The following TGFBRAP1 variants were observed in gnomAD, a reference collection of about 807,000 sequenced individuals.
TGFBRAP1 encodes the protein transforming growth factor beta receptor associated protein 1.
TGFBRAP1 carries 20 observed loss-of-function variants against 83.2 expected under a neutral mutation model. The ratio of observed to expected loss-of-function variants is 0.24; its 90% CI spans 0.17 to 0.35. The LOEUF is 0.35. Ranked by LOEUF, TGFBRAP1 falls within the 10% of genes least tolerant of loss-of-function variation. The pLI is 1.00. For synonymous variants in TGFBRAP1, 415 were observed against 459.8 expected, an observed-to-expected ratio of 0.90 and a Z score of 1.25; for missense variants, 950 against 1,099.4, an observed-to-expected ratio of 0.86 and a Z score of 1.92.
intron 1 of TGFBRAP1, among the ~76,000 whole-genome samples, chr2:105,309,435 C>T (rs1243893050): frequency 6.6e-6 from 1 of 152,208 alleles, no homozygotes; most frequent in Non-Finnish European, 1.5e-5. Context: ...TTCATGAGAG[C>T]TTAAGTTCCT....
the TGFBRAP1 span, among the ~76,000 whole-genome samples, chr2:105,250,269 C>A: frequency 6.6e-6 from 1 of 152,128 alleles, no homozygotes; most frequent in African/African-American, 2.4e-5. Flanking sequence ...CAAGTTCAGC[C>A]TCCTGGGTGT....
intron 1 of TGFBRAP1, among the ~76,000 whole-genome samples, chr2:105,323,043 G>A (rs1438426752): frequency 2.0e-5 from 3 of 152,180 alleles, no homozygotes; most frequent in Non-Finnish European, 4.4e-5. Context: ...GCAAACCATG[G>A]TGGTGAGGAG....
chr2:105,295,031 C>A (rs112856388), intron 4 of TGFBRAP1, among the ~76,000 whole-genome samples: 66 of 152,310 alleles, frequency 4.3e-4, no homozygotes, highest in Admixed American at 1.2e-3. Flanking sequence ...GCACCCTCCC[C>A]TCCAGGGCAC....
chr2:105,272,848 T>C lies in TGFBRAP1; in HGVS notation c.1972+7A>G, dbSNP rs1677204109. On this transcript the variant is annotated splice_region_variant and intron_variant, in intron 10 of 11. Coordinates refer to ENST00000393359, the MANE Select transcript of TGFBRAP1 (RefSeq NM_004257.6). The stretch of plus-strand genomic sequence containing the variant: ...CCAAAGGGAGACAATACTGAGATCA[T>C]CCTCACCGAGAAGAAAGTGGACTCG... The C allele has an allele frequency of 1.2e-6, 2 of 1,606,302 alleles. No homozygotes were observed. Among genetic ancestry groups the C allele is most frequent in the African/African-American group, 1.3e-5 (1 of 74,776 alleles).
rs1013479139 is a variant in TGFBRAP1 at position 105,310,598 on chromosome 2, T to A, written c.-17-2280A>T. 3.2e-4 allele frequency among the ~76,000 whole-genome samples: 48 copies of A among 152,022 alleles called. 1 individual carries two copies. The highest frequency in any genetic ancestry group is 6.2e-4 in the South Asian group (3 of 4,802). On this transcript the variant is annotated intron_variant, in intron 1 of 11. Coordinates refer to ENST00000393359, the MANE Select transcript of TGFBRAP1 (RefSeq NM_004257.6). ...CATCTACCTCGGGGCTGTGGGAACATCCCCAGAATCCCAGGTGAGGCCGAG... is the reference window on the plus strand; with the variant it reads ...CATCTACCTCGGGGCTGTGGGAACAACCCCAGAATCCCAGGTGAGGCCGAG...
At chr2:105,307,336 C>G (rs1416223207) in intron 2 of TGFBRAP1, among the ~76,000 whole-genome samples, 1 of 152,190 alleles carries the variant, frequency 6.6e-6, no homozygotes, top group African/African-American at 2.4e-5. Flanking sequence ...TGACTAAGGG[C>G]TGAGAATATC....
chr2:105,263,562 C>CATT (rs1676837314), downstream of TGFBRAP1, among the ~76,000 whole-genome samples: 1 of 151,862 alleles, frequency 6.6e-6, no homozygotes, highest in African/African-American at 2.4e-5. Context: ...TCACCCCAAT[C>CATT]CACTGAAATG....
At chr2:105,322,040 C>T (rs1259152667) in intron 1 of TGFBRAP1, among the ~76,000 whole-genome samples, 2 of 152,162 alleles carry the variant, frequency 1.3e-5, no homozygotes, top group African/African-American at 4.8e-5. Context: ...AACAGCTCCA[C>T]ACATGTTACT....
chr2:105,308,418 TAAAG>T, intron 1 of TGFBRAP1, 100 bp from the exon 2 acceptor site: 1 of 1,200,546 alleles, frequency 8.3e-7, no homozygotes. Flanking sequence ...TCATTTTCAT[TAAAG>T]AAAGTCATTC....
At chr2:105,326,635 C>T (rs1023203186) in intron 1 of TGFBRAP1, among the ~76,000 whole-genome samples, 2 of 152,086 alleles carry the variant, frequency 1.3e-5, no homozygotes, top group African/African-American at 4.8e-5. Context: ...GGAAGGATCA[C>T]TTGAGCCTGG....
chr2:105,308,311 C>G lies in TGFBRAP1; in HGVS notation c.-10G>C. On this transcript the variant is annotated 5_prime_UTR_variant, in exon 2 of 12. Coordinates refer to ENST00000393359, the MANE Select transcript of TGFBRAP1 (RefSeq NM_004257.6). ...CTTTGATGCTCATCATGTCTACTGG[C>G]TGATCTGCTGGAAGAGAAAGAGGAA... The G allele has an allele frequency of 6.3e-7, 1 of 1,593,440 alleles. No homozygotes were observed. Among genetic ancestry groups the G allele is most frequent in the Non-Finnish European group, 8.6e-7 (1 of 1,164,962 alleles).
intron 2 of TGFBRAP1, among the ~76,000 whole-genome samples, chr2:105,303,826 G>A (rs569191832): frequency 4.6e-5 from 7 of 152,202 alleles, no homozygotes; most frequent in Admixed American, 3.9e-4. Flanking sequence ...AGGTCAGAGA[G>A]GCATGTTAAA....
chr2:105,316,462 T>TGTGTGTGTGCGC (rs1177329674), intron 1 of TGFBRAP1, among the ~76,000 whole-genome samples: 114 of 84,798 alleles, frequency 1.3e-3, no homozygotes, highest in Middle Eastern at 0.011. Flanking sequence ...TGTGTGTGTG[T>TGTGTGTGTGCGC]GCGCGCGCGC....
rs1373035316 is a variant in TGFBRAP1, at chr2:105,272,896, A to G, written c.1931T>C (p.Leu644Pro). ...TCGGTATAAATCAGATTTCTGGAGC[A>G]GCCGCCGCAGCTTGGCCTGCGTCTC... ...ATETQAKLRR[L>P]LQKSDLYRVH... is the part of the protein sequence containing the mutation. Residue 644 changes from leucine (L) to proline (P), a missense_variant, in exon 10 of 12, where the codon CTG (leucine) becomes CCG (proline). Coordinates refer to ENST00000393359, the MANE Select transcript of TGFBRAP1 (RefSeq NM_004257.6). The G allele has an allele frequency of 6.2e-7, 1 of 1,609,532 alleles. No homozygotes were observed. The highest frequency in any genetic ancestry group is 8.5e-7 in the Non-Finnish European group (1 of 1,179,888).
intron 1 of TGFBRAP1, among the ~76,000 whole-genome samples, chr2:105,316,450 TGTGTGTGTGTGTGC>T (rs1218094398): frequency 3.9e-5 from 3 of 76,222 alleles, no homozygotes; most frequent in Non-Finnish European, 5.6e-5. Context: ...TGTGTGTGTG[TGTGTGTGTGTGTGC>T]GCGCGCGCGC....
chr2:105,300,561 T>C (rs1678252453), intron 2 of TGFBRAP1, among the ~76,000 whole-genome samples: 1 of 150,730 alleles, frequency 6.6e-6, no homozygotes, highest in Non-Finnish European at 1.5e-5. Flanking sequence ...CTCAGGCTCC[T>C]GAGTAGCTGG....
chr2:105,273,943 C>A (rs1443514544), intron 8 of TGFBRAP1, among the ~76,000 whole-genome samples: 1 of 152,100 alleles, frequency 6.6e-6, no homozygotes, highest in Non-Finnish European at 1.5e-5. Flanking sequence ...GATAGAAAAG[C>A]CAGCCTATAC....
At chr2:105,323,462 A>G (rs776688988) in intron 1 of TGFBRAP1, among the ~76,000 whole-genome samples, 2 of 152,108 alleles carry the variant, frequency 1.3e-5, no homozygotes, top group African/African-American at 2.4e-5. Context: ...CCTGACCATC[A>G]TATCGTGGGT....
At chr2:105,254,634 T>C in the TGFBRAP1 span, among the ~76,000 whole-genome samples, 3 of 152,114 alleles carry the variant, frequency 2.0e-5, no homozygotes, top group East Asian at 3.9e-4. Flanking sequence ...GAAGTAAGTA[T>C]GCTTTCTGCC....
Sources: gnomAD v4.1 joint callset for allele counts (sites outside exome capture counted in the v4.1 genomes callset) on GRCh38, gnomAD v4.1.1 for gene constraint, MANE v1.5 for transcripts, NCBI Gene and HGNC (gene_info 2026-07-23, HGNC 2026-07-21) for gene names.